CCM2: variants seen among roughly 807,000 people sequenced by gnomAD.
CCM2 encodes cerebral cavernous malformations 2 protein.
CCM2 carries 25 observed loss-of-function variants against 44.9 expected under a neutral mutation model. That is an observed-to-expected ratio of 0.56 (90% CI 0.41 to 0.78). The LOEUF (loss-of-function observed/expected upper bound fraction) is 0.78, where lower values mean the gene tolerates loss of function less well. CCM2 is among the 30% of genes least tolerant of loss of function. The probability of loss-of-function intolerance (pLI) is 0.00; values close to 1 mark genes in which losing one functional copy is unlikely to be tolerated. For missense variants in CCM2, 481 were observed against 580.6 expected, an observed-to-expected ratio of 0.83 and a Z score of 1.76; for synonymous variants, 219 against 241.1, an observed-to-expected ratio of 0.91 and a Z score of 0.85.
At chr7:45,011,861 A>C (rs545798795) in intron 1 of CCM2, among the ~76,000 whole-genome samples, 1 of 152,212 alleles carries the variant, frequency 6.6e-6, no homozygotes, top group South Asian at 2.1e-4. Context: ...GCCCTGGCTA[A>C]CTTTTTAAAA....
intron 2 of CCM2, 77 bp downstream of exon 2, chr7:45,038,503 A>C (rs1024896416): frequency 2.1e-6 from 3 of 1,459,970 alleles, no homozygotes; most frequent in Non-Finnish European, 2.9e-6. Flanking sequence ...GACACTCTTG[A>C]GTTTATAAGA....
intron 3 of CCM2, among the ~76,000 whole-genome samples, 200 bp downstream of exon 3, chr7:45,064,201 T>C (rs571393615): frequency 1.4e-4 from 21 of 152,342 alleles, no homozygotes; most frequent in African/African-American, 4.8e-4. Flanking sequence ...TTTTGGGCTG[T>C]TTCCAAAATT....
At position 45,000,214 on chromosome 7, in the gene CCM2, CCGGCTGGCGGGCGGCGCCGGGAGCGCG is replaced by C; in HGVS notation, c.-119_-93del. 2 of 544,236 alleles carry C rather than the reference CCGGCTGGCGGGCGGCGCCGGGAGCGCG, an allele frequency of 3.7e-6. No individual in the cohort carries two copies. The highest frequency in any genetic ancestry group is 4.6e-6 in the Non-Finnish European group (2 of 430,510). 33.7% of individuals were successfully genotyped at this position (544,236 alleles called of 1,614,324 possible). ...CGCGGCCGGGGCGGAGACTTCGGGC[CCGGCTGGCGGGCGGCGCCGGGAGCGCG>C]GGGGCGGCGGGCCCGGGTCGAGCAT... On this transcript the variant is annotated 5_prime_UTR_variant, in exon 1 of 10. Transcript: ENST00000258781.
At chr7:45,073,029 G>A in intron 7 of CCM2, 1 of 626,160 alleles carries the variant, frequency 1.6e-6, no homozygotes, top group Non-Finnish European at 2.9e-6. Flanking sequence ...TCCCAAGAGT[G>A]AGCTTGTAAT....
chr7:45,028,207 T>C (rs1796778492), intron 1 of CCM2, among the ~76,000 whole-genome samples: 3 of 152,302 alleles, frequency 2.0e-5, no homozygotes, highest in African/African-American at 7.2e-5. Context: ...TGGAATTTCA[T>C]CCACGAAGCC....
At chr7:45,008,425 G>C (rs191717798) in intron 1 of CCM2, among the ~76,000 whole-genome samples, 2 of 139,016 alleles carry the variant, frequency 1.4e-5, no homozygotes, top group African/African-American at 2.8e-5. Flanking sequence ...GCAGTGGCGC[G>C]ATCTCGGCTC....
intron 1 of CCM2, among the ~76,000 whole-genome samples, chr7:45,014,223 T>A (rs1382619772): frequency 6.6e-6 from 1 of 152,148 alleles, no homozygotes; most frequent in Non-Finnish European, 1.5e-5. Flanking sequence ...CATTGCAACC[T>A]CTGCCTCCCA....
At chr7:45,059,703 A>G (rs1411168389) in intron 2 of CCM2, among the ~76,000 whole-genome samples, 1 of 152,086 alleles carries the variant, frequency 6.6e-6, no homozygotes, top group Non-Finnish European at 1.5e-5. Context: ...GTGCCACTGC[A>G]CTCCAGCCTG....
intron 5 of CCM2, 41 bp from the exon 6 acceptor site, chr7:45,069,785 T>C: frequency 6.2e-7 from 1 of 1,613,022 alleles, no homozygotes; most frequent in Non-Finnish European, 8.5e-7. Context: ...AGGCGCAGTC[T>C]CCAGCCAGAC....
In CCM2 at chr7:45,013,656, T is replaced by G. The variant is rs1408294159; in HGVS notation, c.30+13293T>G. Among the ~76,000 whole-genome samples the G allele has an allele frequency of 3.3e-4, 50 of 152,334 alleles. 1 individual carries two copies. The highest frequency in any genetic ancestry group is 3.3e-3 in the Admixed American group (50 of 15,300). On this transcript the variant is annotated intron_variant, in intron 1 of 9. Coordinates refer to ENST00000258781, the MANE Select transcript of CCM2 (RefSeq NM_031443.4). ...CTTGCTGATTGTTATGATACTTTCT[T>G]TATATAGCTCTAGGATCCATAGATT... is the stretch of plus-strand genomic sequence containing the variant.
chr7:45,031,050 C>T (rs568616061), intron 1 of CCM2, among the ~76,000 whole-genome samples: 279 of 152,156 alleles, frequency 1.8e-3, no homozygotes, highest in African/African-American at 6.3e-3. Context: ...CTAGAACTTT[C>T]CTTTAAATTT....
At chr7:45,069,053 A>G (rs949634869) in intron 5 of CCM2, among the ~76,000 whole-genome samples, 10 of 152,242 alleles carry the variant, frequency 6.6e-5, no homozygotes, top group African/African-American at 2.4e-4. Flanking sequence ...ACAACCTGGA[A>G]GAGCCAAGGG....
chr7:45,014,622 C>CTTT (rs34116061), intron 1 of CCM2, among the ~76,000 whole-genome samples: 12 of 123,986 alleles, frequency 9.7e-5, no homozygotes, highest in East Asian at 2.4e-4. Context: ...CAGTCTTAAC[C>CTTT]TTTTTTTTTT....
In CCM2 at chr7:45,036,595, G is replaced by A. The variant is rs1205617498; in HGVS notation, c.31-1658G>A. 2.6e-5 allele frequency among the ~76,000 whole-genome samples: 4 copies of A among 152,128 alleles called. No individual in the cohort carries two copies. In the East Asian group the frequency reaches 5.8e-4, roughly 22 times the overall value. ...CAGGGCCTGCTGGGAGCCACTGGAC[G>A]ACCAATTTCTGCTTTTTTCAGGAGT... On this transcript the variant is annotated intron_variant, in intron 1 of 9. Coordinates refer to ENST00000258781, the MANE Select transcript of CCM2 (RefSeq NM_031443.4).
At chr7:45,001,107 T>A (rs913097618) in intron 1 of CCM2, among the ~76,000 whole-genome samples, 1 of 152,230 alleles carries the variant, frequency 6.6e-6, no homozygotes, top group African/African-American at 2.4e-5. Context: ...GTGCGCACTT[T>A]TATCCACAAG....
At chr7:45,041,054 G>T (rs1797472082) in intron 2 of CCM2, among the ~76,000 whole-genome samples, 2 of 152,304 alleles carry the variant, frequency 1.3e-5, no homozygotes, top group Admixed American at 6.5e-5. Flanking sequence ...AGCCCAAGGG[G>T]TCTGCCAGGG....
chr7:45,073,353 G>C (rs577178634), intron 7 of CCM2, 107 bp from the exon 8 acceptor site: 11 of 748,196 alleles, frequency 1.5e-5, no homozygotes, highest in South Asian at 8.9e-5. Flanking sequence ...ACATTCCTCT[G>C]TTCAAGGACA....
intron 2 of CCM2, among the ~76,000 whole-genome samples, chr7:45,040,633 C>T (rs1277299653): frequency 6.6e-6 from 1 of 152,156 alleles, no homozygotes; most frequent in Non-Finnish European, 1.5e-5. Flanking sequence ...AGACAGGTCT[C>T]TAAAACCTCA....
chr7:45,048,557 G>C lies in CCM2; in HGVS notation c.204+10131G>C, dbSNP rs566888540. 4.9e-4 allele frequency among the ~76,000 whole-genome samples: 74 copies of C among 152,290 alleles called. No individual in the cohort carries two copies. In the South Asian group the frequency reaches 0.015, roughly 31 times the overall value. On this transcript the variant is annotated intron_variant, in intron 2 of 9. Transcript: ENST00000258781. ...AGGCAGGCGGATCACGAGGTCAAGA[G>C]ATCTAGACTATCCTGGCCAACATGG... is the stretch of plus-strand genomic sequence containing the variant.
Sources: gnomAD v4.1 joint callset for allele counts (sites outside exome capture counted in the v4.1 genomes callset) on GRCh38, gnomAD v4.1.1 for gene constraint, MANE v1.5 for transcripts, NCBI Gene and HGNC (gene_info 2026-07-23, HGNC 2026-07-21) for gene names.